The following PTPRG variants were observed in gnomAD, a reference collection of about 807,000 sequenced individuals.
The protein encoded by PTPRG is protein tyrosine phosphatase receptor type G.
PTPRG carries 102 observed loss-of-function variants against 165.3 expected under a neutral mutation model. The observed-to-expected ratio is 0.62, with a 90% confidence interval of 0.53 to 0.73. The LOEUF (loss-of-function observed/expected upper bound fraction) is 0.73. Among genes scored for constraint, PTPRG ranks in the 30% least tolerant of loss-of-function variants. PTPRG has a pLI of 0.00. For missense variants in PTPRG, 1,866 were observed against 1,861.4 expected (o/e 1.00, Z -0.05); for synonymous variants, 675 against 669.5 (o/e 1.01, Z -0.13).
At position 62,195,982 on chromosome 3, in the gene PTPRG, G is replaced by T. The variant is rs985961881; in HGVS notation, c.1327+812G>T. Among the ~76,000 whole-genome samples the T allele has an allele frequency of 1.3e-5, 2 of 151,856 alleles. No homozygotes were observed. Among genetic ancestry groups the T allele is most frequent in the African/African-American group, 4.8e-5 (2 of 41,486 alleles). On this transcript the variant is annotated intron_variant, in intron 10 of 29. Transcript: ENST00000474889. This position sits in a 1 kb window ranked among gnomAD's most constrained non-coding sequence, Gnocchi z 4.4. Reference sequence around the variant, plus strand: ...TTTTGTATTTTTACTAGAGACGGGGGTTTCACCATGTTGGCCAGGCTGGTC... The same window carrying T: ...TTTTGTATTTTTACTAGAGACGGGGTTTTCACCATGTTGGCCAGGCTGGTC...
chr3:61,837,990 C>A (rs1221514270), intron 2 of PTPRG, among the ~76,000 whole-genome samples: 3 of 152,156 alleles, frequency 2.0e-5, no homozygotes. Context: ...ACACTTTTGC[C>A]CACATTTAAC....
rs1216399385 is a variant in PTPRG, at chr3:62,192,406, T to C, written c.1218+753T>C. Among the ~76,000 whole-genome samples the C allele has an allele frequency of 2.2e-4, 26 of 119,354 alleles. 1 individual carries two copies. The highest frequency in any genetic ancestry group is 1.5e-3 in the Admixed American group (18 of 11,910). The allele number at this position is 119,354 out of a possible 152,430, so 78.3% of individuals were successfully genotyped here. Reference sequence around the variant, plus strand: ...CACAACTACTGTCTTTTTTTTTTTTTTTTTTTTTTTTTTTTTTTTTGAGAC... The same window carrying C: ...CACAACTACTGTCTTTTTTTTTTTTCTTTTTTTTTTTTTTTTTTTTGAGAC... On this transcript the variant is annotated intron_variant, in intron 9 of 29. Transcript: ENST00000474889.
At chr3:62,218,746 C>G in intron 12 of PTPRG, 105 bp from the exon 13 acceptor site, 1 of 1,424,468 alleles carries the variant, frequency 7.0e-7, no homozygotes, top group Non-Finnish European at 9.5e-7. Flanking sequence ...AGCAAATGGC[C>G]CAGTTCGCCA....
At position 62,296,075 on chromosome 3, in the gene PTPRG, A is replaced by G. The variant is rs1030305355; in HGVS notation, c.*2768A>G. 1 of 152,098 alleles carries G rather than the reference A, an allele frequency of 6.6e-6. No homozygotes were observed. The highest frequency in any genetic ancestry group is 2.4e-5 in the African/African-American group (1 of 41,418). The allele number at this position is 152,098 out of a possible 1,614,324, so 9.4% of individuals were successfully genotyped here. ...ACACATCATATAAAAATAAATTGCA[A>G]TGATCAGACCAAGTGGCTGTGCTGG... On this transcript the variant is annotated 3_prime_UTR_variant, in exon 30 of 30. Transcript: ENST00000474889.
At position 62,292,422 on chromosome 3, in the gene PTPRG, T is replaced by G. The variant is rs1470113352; in HGVS notation, c.4057T>G (p.Tyr1353Asp). The G allele has an allele frequency of 6.2e-7, 1 of 1,610,588 alleles. No homozygotes were observed. Among genetic ancestry groups the G allele is most frequent in the Non-Finnish European group, 8.5e-7 (1 of 1,178,666 alleles). ...RDGPTIVHDE[Y>D]GAVSAGMLCA... ...GTATCTTTTTTTTTTCTCCCCCAGG[T>G]ATGGAGCAGTTTCAGCAGGAATGTT... Residue 1353 changes from tyrosine to aspartate, a missense_variant and splice_region_variant, in exon 29 of 30, where the codon TAT (tyrosine) becomes GAT (aspartate). This residue lies in a region of PTPRG where 1,452 missense variants were observed against 1,463.0 expected (regional missense o/e 0.99). Coordinates refer to ENST00000474889, the MANE Select transcript of PTPRG (RefSeq NM_002841.4).
intron 2 of PTPRG, chr3:61,750,848 C>G (rs2033398178): frequency 6.6e-6 from 1 of 152,124 alleles, no homozygotes; most frequent in African/African-American, 2.4e-5. Flanking sequence ...GCTTTGCAGG[C>G]TGTGCAAAAA....
Position 61,671,138 on chromosome 3 carries a change from C to CTT in PTPRG, c.86-77722_86-77721dup, listed in dbSNP as rs11356444. Reference sequence around the variant, plus strand: ...CTTCTCCTGATACTGTATGAACTTTCTTTTTTTTTTTTTTTTTTTAATTGA... The same window carrying CTT: ...CTTCTCCTGATACTGTATGAACTTTCTTTTTTTTTTTTTTTTTTTTTAATTGA... On this transcript the variant is annotated intron_variant, in intron 1 of 29. Transcript: ENST00000474889. Among the ~76,000 whole-genome samples, 6 of 125,008 alleles carry CTT rather than the reference C, an allele frequency of 4.8e-5. 1 individual carries two copies. The highest frequency in any genetic ancestry group is 1.2e-4 in the African/African-American group (4 of 33,710). 82.0% of individuals were successfully genotyped at this position (125,008 alleles called of 152,430 possible).
chr3:61,992,447 C>T (rs994647967), intron 3 of PTPRG, among the ~76,000 whole-genome samples: 2 of 152,136 alleles, frequency 1.3e-5, no homozygotes, highest in Non-Finnish European at 2.9e-5. Context: ...GCAACCTCTG[C>T]CTCCCGGGTT....
intron 6 of PTPRG, among the ~76,000 whole-genome samples, chr3:62,150,491 A>G (rs1017752658): frequency 1.1e-4 from 17 of 152,164 alleles, no homozygotes; most frequent in African/African-American, 4.1e-4. Context: ...TTCCCAGATG[A>G]TTTGCCTGCA....
intron 2 of PTPRG, among the ~76,000 whole-genome samples, chr3:61,768,280 A>T (rs2034098953): frequency 6.6e-6 from 1 of 152,156 alleles, no homozygotes; most frequent in African/African-American, 2.4e-5. Context: ...TGGTAGGGAT[A>T]TTTACTACAG....
intron 2 of PTPRG, among the ~76,000 whole-genome samples, chr3:61,802,629 C>T (rs1027105796): frequency 2.0e-5 from 3 of 152,100 alleles, no homozygotes; most frequent in African/African-American, 7.2e-5. Flanking sequence ...TATGTCCATT[C>T]TTTCATTCTC....
At chr3:61,653,895 G>T (rs1702432790) in intron 1 of PTPRG, among the ~76,000 whole-genome samples, 1 of 71,180 alleles carries the variant, frequency 1.4e-5, no homozygotes, top group Non-Finnish European at 2.8e-5. Flanking sequence ...TAAGCGGGGA[G>T]CGGTGGGGGG....
intron 2 of PTPRG, among the ~76,000 whole-genome samples, chr3:61,948,543 C>T (rs1395320111): frequency 6.6e-6 from 1 of 152,062 alleles, no homozygotes; most frequent in Admixed American, 6.5e-5. Flanking sequence ...TGGGTTATGT[C>T]CTCCAGATAT....
intron 1 of PTPRG, among the ~76,000 whole-genome samples, chr3:61,699,116 C>G (rs542629999): frequency 3.1e-4 from 47 of 152,162 alleles, no homozygotes; most frequent in African/African-American, 1.1e-3. Context: ...CACATGTATA[C>G]ATATGTAACA....
intron 1 of PTPRG, among the ~76,000 whole-genome samples, chr3:61,620,004 T>C (rs563981412): frequency 6.6e-6 from 1 of 152,352 alleles, no homozygotes; most frequent in East Asian, 1.9e-4. Flanking sequence ...TAATGAAGAT[T>C]GGCTGTGTAG....
chr3:62,078,118 A>C, intron 4 of PTPRG, 45 bp from the exon 5 acceptor site: 4 of 1,331,830 alleles, frequency 3.0e-6, no homozygotes, highest in Non-Finnish European at 4.2e-6. Flanking sequence ...CTTTTTATTT[A>C]TGTTTGAAAA....
intron 2 of PTPRG, chr3:61,750,870 T>C (rs1464859528): frequency 6.6e-6 from 1 of 152,248 alleles, no homozygotes; most frequent in Non-Finnish European, 1.5e-5. Context: ...AGGTGGCTGG[T>C]TGGATAGGGT....
intron 2 of PTPRG, among the ~76,000 whole-genome samples, chr3:61,903,114 C>G (rs1012313557): frequency 6.6e-6 from 1 of 152,198 alleles, no homozygotes; most frequent in Non-Finnish European, 1.5e-5. Flanking sequence ...TTGCCTCAAA[C>G]AAACCATGCT....
At chr3:61,653,678 C>G (rs1326698880) in intron 1 of PTPRG, among the ~76,000 whole-genome samples, 3 of 152,120 alleles carry the variant, frequency 2.0e-5, no homozygotes, top group African/African-American at 7.2e-5. Context: ...CTGCCATTTT[C>G]TCAGATGTGT....
Sources: allele counts gnomAD v4.1 joint callset (sites outside exome capture counted in the v4.1 genomes callset), GRCh38; gene constraint gnomAD v4.1.1; regional missense constraint gnomAD v4.1.1; non-coding constraint Gnocchi (gnomAD v3.1); transcripts MANE v1.5; gene names NCBI Gene and HGNC (gene_info 2026-07-23, HGNC 2026-07-21).